The following CEP128 variants were observed in gnomAD, a reference collection of about 807,000 sequenced individuals.
The protein encoded by CEP128 is centrosomal protein 128, also known as centrosomal protein 128kDa.
A neutral mutation model predicts 156.7 loss-of-function variants in CEP128; 132 were observed. That is an observed-to-expected ratio of 0.84 (90% confidence interval 0.73 to 0.97). The LOEUF is 0.97. Among genes scored for constraint, CEP128 ranks in the 50% least tolerant of loss-of-function variants. The pLI is 0.00. For synonymous variants in CEP128, 469 were observed against 448.9 expected (o/e 1.04, Z -0.57); for missense variants, 1,252 against 1,281.9 (o/e 0.98, Z 0.36).
intron 7 of CEP128, among the ~76,000 whole-genome samples, chr14:80,898,842 A>G (rs146870417): frequency 9.2e-5 from 14 of 152,348 alleles, no homozygotes; most frequent in African/African-American, 2.6e-4. Context: ...TGCTTTATTC[A>G]TATCAGCCAC....
intron 19 of CEP128, among the ~76,000 whole-genome samples, chr14:80,651,147 G>A (rs1021351480): frequency 4.6e-5 from 7 of 152,100 alleles, no homozygotes; most frequent in African/African-American, 1.2e-4. Context: ...AGAATTAGGA[G>A]GGTGTATATG....
rs796613370 is a variant in CEP128 at position 80,607,441 on chromosome 14, A to C, written c.2807-27018T>G. On this transcript the variant is annotated intron_variant, in intron 19 of 24. Coordinates refer to ENST00000555265, the MANE Select transcript of CEP128 (RefSeq NM_152446.5). Reference sequence around the variant, plus strand: ...AAGACCCCTTTTGGACACAATTTATAAACCTTCATCTTTCAAGGGAAGACT... The same window carrying C: ...AAGACCCCTTTTGGACACAATTTATCAACCTTCATCTTTCAAGGGAAGACT... Among the ~76,000 whole-genome samples the C allele has an allele frequency of 4.6e-5, 7 of 152,308 alleles. No homozygotes were observed. In the South Asian group the frequency reaches 1.4e-3, roughly 32 times the overall value.
chr14:80,799,775 G>C (rs931319331), intron 13 of CEP128, among the ~76,000 whole-genome samples: 7 of 152,068 alleles, frequency 4.6e-5, no homozygotes, highest in African/African-American at 1.7e-4. Context: ...CTCTGCCCCT[G>C]GTAAATTTGT....
At chr14:80,893,445 T>C (rs1889197051) in intron 8 of CEP128, among the ~76,000 whole-genome samples, 1 of 151,282 alleles carries the variant, frequency 6.6e-6, no homozygotes, top group Admixed American at 6.6e-5. Context: ...ATAATAAAAC[T>C]GTACTATATA....
intron 16 of CEP128, among the ~76,000 whole-genome samples, chr14:80,762,638 T>G (rs1200317843): frequency 6.6e-6 from 1 of 152,194 alleles, no homozygotes; most frequent in African/African-American, 2.4e-5. Flanking sequence ...GACAGACCCT[T>G]TCATAATCTA....
chr14:80,658,912 C>A (rs1325426815), intron 19 of CEP128, among the ~76,000 whole-genome samples: 3 of 152,156 alleles, frequency 2.0e-5, no homozygotes, highest in Non-Finnish European at 4.4e-5. Context: ...AGACTGCTGA[C>A]AGGGGACAGG....
At position 80,631,892 on chromosome 14, in the gene CEP128, G is replaced by A. The variant is rs1392008653; in HGVS notation, c.2807-51469C>T. Among the ~76,000 whole-genome samples the A allele has an allele frequency of 3.3e-5, 5 of 151,966 alleles. 1 individual carries two copies. The highest frequency in any genetic ancestry group is 1.2e-4 in the African/African-American group (5 of 41,386). The stretch of plus-strand genomic sequence containing the variant: ...ATAGTTAGAATGTATACTGCATGAA[G>A]ACACCTTTTTTCCCCCTCAGTGATA... On this transcript the variant is annotated intron_variant, in intron 19 of 24. Coordinates refer to ENST00000555265, the MANE Select transcript of CEP128 (RefSeq NM_152446.5).
chr14:80,661,870 G>A (rs1305757273), intron 19 of CEP128, among the ~76,000 whole-genome samples: 1 of 152,146 alleles, frequency 6.6e-6, no homozygotes, highest in South Asian at 2.1e-4. Flanking sequence ...TGAATGCAAA[G>A]TGTCTTGTGG....
intron 19 of CEP128, among the ~76,000 whole-genome samples, chr14:80,655,167 C>G (rs1372047158): frequency 1.3e-5 from 2 of 152,028 alleles, no homozygotes; most frequent in African/African-American, 4.8e-5. Context: ...GACTGTCAAA[C>G]CCAGGCAGTG....
At chr14:80,706,297 G>C (rs2139386952) in intron 19 of CEP128, among the ~76,000 whole-genome samples, 1 of 152,188 alleles carries the variant, frequency 6.6e-6, no homozygotes, top group Non-Finnish European at 1.5e-5. Context: ...AGAGATCCCT[G>C]TACACTTTGC....
intron 19 of CEP128, among the ~76,000 whole-genome samples, chr14:80,673,280 A>C (rs1199276690): frequency 2.0e-5 from 3 of 152,312 alleles, no homozygotes; most frequent in South Asian, 2.1e-4. Context: ...TATTTATTAA[A>C]AGAAATATAT....
intron 21 of CEP128, among the ~76,000 whole-genome samples, chr14:80,547,152 G>T (rs185764625): frequency 1.4e-3 from 213 of 152,218 alleles, no homozygotes; most frequent in Non-Finnish European, 2.4e-3. Flanking sequence ...CAATCTAGGG[G>T]CAGGCCAACT....
intron 19 of CEP128, among the ~76,000 whole-genome samples, chr14:80,719,146 T>C (rs1368349074): frequency 1.3e-5 from 2 of 152,206 alleles, no homozygotes; most frequent in African/African-American, 4.8e-5. Context: ...GCCATAGCAA[T>C]GACCCAGAAG....
intron 19 of CEP128, among the ~76,000 whole-genome samples, chr14:80,697,217 C>T (rs1177492889): frequency 6.6e-6 from 1 of 151,976 alleles, no homozygotes; most frequent in Non-Finnish European, 1.5e-5. Flanking sequence ...TCAATTTGGC[C>T]TCTCAGAGAT....
intron 24 of CEP128, among the ~76,000 whole-genome samples, chr14:80,498,158 A>G (rs1038000908): frequency 3.3e-5 from 5 of 151,994 alleles, no homozygotes; most frequent in African/African-American, 1.2e-4. Context: ...AGTTTCTCAA[A>G]CCGTGGTTCC....
chr14:80,762,647 T>C (rs1900028100), intron 16 of CEP128, among the ~76,000 whole-genome samples: 1 of 152,210 alleles, frequency 6.6e-6, no homozygotes, highest in African/African-American at 2.4e-5. Flanking sequence ...TTTCATAATC[T>C]ATCTTCTGTA....
chr14:80,736,147 C>A (rs1898517931), intron 19 of CEP128, among the ~76,000 whole-genome samples: 1 of 151,952 alleles, frequency 6.6e-6, no homozygotes. Context: ...TTACAACACA[C>A]CATCAAAGCA....
At chr14:80,675,852 A>G (rs1218410693) in intron 19 of CEP128, among the ~76,000 whole-genome samples, 3 of 152,094 alleles carry the variant, frequency 2.0e-5, no homozygotes, top group Admixed American at 2.0e-4. Context: ...TCAATGTTCA[A>G]TGGAAATTGT....
At chr14:80,618,365 A>G (rs1893318265) in intron 19 of CEP128, among the ~76,000 whole-genome samples, 1 of 152,248 alleles carries the variant, frequency 6.6e-6, no homozygotes, top group Non-Finnish European at 1.5e-5. Flanking sequence ...TACATTCACC[A>G]TTCAAGATAA....
Sources: gnomAD v4.1 joint callset for allele counts (sites outside exome capture counted in the v4.1 genomes callset) on GRCh38, gnomAD v4.1.1 for gene constraint, MANE v1.5 for transcripts, NCBI Gene and HGNC (gene_info 2026-07-23, HGNC 2026-07-21) for gene names.